Variants in ADAMTS9 observed in about 807,000 individuals in gnomAD.
ADAMTS9 encodes the protein ADAM metallopeptidase with thrombospondin type 1 motif 9.
Under a neutral mutation model 257.1 loss-of-function variants are expected in ADAMTS9, and 107 were observed. That is an observed-to-expected ratio of 0.42 (90% CI 0.36 to 0.49). The LOEUF is 0.49. Ranked by LOEUF, ADAMTS9 falls within the 20% of genes least tolerant of loss-of-function variation. The pLI is 0.03. For missense variants in ADAMTS9, 2,353 were observed against 2,469.1 expected, an observed-to-expected ratio of 0.95 and a Z score of 1.00; for synonymous variants, 982 against 880.9, an observed-to-expected ratio of 1.11 and a Z score of -2.03.
At chr3:64,647,066 A>C (rs1700813210) in intron 11 of ADAMTS9, among the ~76,000 whole-genome samples, 1 of 152,242 alleles carries the variant, frequency 6.6e-6, no homozygotes, top group Non-Finnish European at 1.5e-5. Context: ...AATTATTAAA[A>C]GTAAGTAAAG....
At chr3:64,676,679 T>C (rs952242670) in intron 3 of ADAMTS9, among the ~76,000 whole-genome samples, 2 of 152,196 alleles carry the variant, frequency 1.3e-5, no homozygotes, top group Admixed American at 1.3e-4. Flanking sequence ...TCTATCTTCC[T>C]CCCAAAGGGC....
At chr3:64,575,490 G>C (rs923325200) in intron 28 of ADAMTS9, among the ~76,000 whole-genome samples, 3 of 152,166 alleles carry the variant, frequency 2.0e-5, no homozygotes, top group Non-Finnish European at 2.9e-5. Context: ...CTAAGCAAGA[G>C]TGTAACAACC....
chr3:64,602,565 G>A (rs1020782071), intron 25 of ADAMTS9, among the ~76,000 whole-genome samples: 1 of 152,058 alleles, frequency 6.6e-6, no homozygotes, highest in Non-Finnish European at 1.5e-5. Flanking sequence ...TCTACCATTC[G>A]CCACTCACTG....
intron 28 of ADAMTS9, among the ~76,000 whole-genome samples, chr3:64,570,181 C>T (rs1300804030): frequency 6.6e-6 from 1 of 152,024 alleles, no homozygotes; most frequent in Admixed American, 6.6e-5. Context: ...TACAATGTTC[C>T]AGAAATTATG....
chr3:64,620,096 G>A (rs1168669896), intron 19 of ADAMTS9, among the ~76,000 whole-genome samples: 1 of 151,912 alleles, frequency 6.6e-6, no homozygotes, highest in Non-Finnish European at 1.5e-5. Context: ...GAAAGTCAGT[G>A]ACACTGGGTA....
intron 29 of ADAMTS9, among the ~76,000 whole-genome samples, chr3:64,566,731 A>C (rs1274080490): frequency 6.6e-6 from 1 of 152,186 alleles, no homozygotes; most frequent in Non-Finnish European, 1.5e-5. Flanking sequence ...GGTAAATAAA[A>C]CAGATAAGTA....
rs184693067 is a variant in ADAMTS9 at position 64,539,750 on chromosome 3, T to C, written c.5522-456A>G. On this transcript the variant is annotated intron_variant, in intron 36 of 39. Transcript: ENST00000498707. ...GAGCGATTCCCTGAGGTTTCCTCTG[T>C]CCTCCTGTTGCCTAGGCAGTATTAT... Among the ~76,000 whole-genome samples the C allele has an allele frequency of 3.7e-3, 557 of 152,348 alleles. 3 individuals carry two copies. The highest frequency in any genetic ancestry group is 0.013 in the African/African-American group (533 of 41,576).
intron 26 of ADAMTS9, among the ~76,000 whole-genome samples, chr3:64,598,542 A>G (rs2106799999): frequency 6.6e-6 from 1 of 152,092 alleles, no homozygotes; most frequent in Non-Finnish European, 1.5e-5. Flanking sequence ...CTGGTCTCGA[A>G]CTCTTGGCCT....
chr3:64,687,438 T>C lies in ADAMTS9; in HGVS notation c.115+105A>G, dbSNP rs1314222865. On this transcript the variant is annotated intron_variant, in intron 1 of 39. Transcript: ENST00000498707. The surrounding 1 kb of genome is among the most constrained non-coding windows in gnomAD (Gnocchi z 4.4). ...CTGCAAAGCGGGAGATAATTCTTTC[T>C]AGGAAAAGGAGAGAAGCCTCCGCTG... The C allele has an allele frequency of 1.3e-5, 12 of 929,000 alleles. No individual in the cohort carries two copies. Among genetic ancestry groups the C allele is most frequent in the Non-Finnish European group, 1.4e-5 (9 of 641,352 alleles). 57.5% of individuals were successfully genotyped at this position (929,000 alleles called of 1,614,324 possible). A position where few individuals can be genotyped will look rare whatever the true frequency, so the allele number is the denominator to read the frequency against.
At chr3:64,677,244 G>T (rs532447759) in intron 3 of ADAMTS9, among the ~76,000 whole-genome samples, 1 of 152,218 alleles carries the variant, frequency 6.6e-6, no homozygotes, top group South Asian at 2.1e-4. Flanking sequence ...AGGGAGAGAA[G>T]ACACCCCACT....
In ADAMTS9 at chr3:64,655,565, AATC is replaced by A; in HGVS notation, c.1169+8_1169+10del. The A allele has an allele frequency of 1.3e-6, 2 of 1,598,876 alleles. No individual in the cohort carries two copies. Among genetic ancestry groups the A allele is most frequent in the Non-Finnish European group, 1.7e-6 (2 of 1,166,506 alleles). On this transcript the variant is annotated splice_region_variant and intron_variant, in intron 6 of 39. Coordinates refer to ENST00000498707, the MANE Select transcript of ADAMTS9 (RefSeq NM_182920.2). The stretch of plus-strand genomic sequence containing the variant: ...AGACTGAAAGATCTGAGGAATAAGA[AATC>A]CATATACCTTGTTAAGAGAACAGCA...
intron 3 of ADAMTS9, among the ~76,000 whole-genome samples, chr3:64,659,728 G>A (rs1281311406): frequency 2.0e-5 from 3 of 152,006 alleles, no homozygotes; most frequent in South Asian, 2.1e-4. Context: ...ATTAAACTCC[G>A]AGAGTCTGGG....
chr3:64,534,436 T>C (rs377219078), intron 37 of ADAMTS9, among the ~76,000 whole-genome samples: 24 of 152,330 alleles, frequency 1.6e-4, no homozygotes, highest in East Asian at 1.4e-3. Context: ...TCGTGTGATC[T>C]CTTCAATGTA....
intron 3 of ADAMTS9, among the ~76,000 whole-genome samples, chr3:64,671,003 T>C (rs1701472825): frequency 1.3e-5 from 2 of 152,290 alleles, no homozygotes; most frequent in South Asian, 2.1e-4. Flanking sequence ...GAGTGAAACA[T>C]ACATTAACCA....
At chr3:64,683,992 CA>C (rs1314359259) in intron 2 of ADAMTS9, among the ~76,000 whole-genome samples, 1 of 151,968 alleles carries the variant, frequency 6.6e-6, no homozygotes, top group Non-Finnish European at 1.5e-5. Context: ...TATACACCTC[CA>C]AAGAAGGGTA....
chr3:64,547,026 A>C, intron 31 of ADAMTS9, 74 bp from the exon 32 acceptor site: 1 of 1,330,182 alleles, frequency 7.5e-7, no homozygotes, highest in South Asian at 1.4e-5. Context: ...CCTGACCTCC[A>C]CACCAAGCGC....
intron 11 of ADAMTS9, among the ~76,000 whole-genome samples, chr3:64,644,946 T>C (rs1019514720): frequency 2.0e-4 from 30 of 152,190 alleles, no homozygotes; most frequent in Non-Finnish European, 2.4e-4. Flanking sequence ...AAAACTGATA[T>C]GGAAATTAAA....
intron 2 of ADAMTS9, among the ~76,000 whole-genome samples, chr3:64,682,012 CAT>C (rs1203979100): frequency 6.6e-6 from 1 of 152,180 alleles, no homozygotes; most frequent in East Asian, 1.9e-4. Flanking sequence ...ATTCAAGAAG[CAT>C]ATGTTGGCCA....
intron 16 of ADAMTS9, among the ~76,000 whole-genome samples, chr3:64,630,086 C>G (rs947116207): frequency 2.7e-4 from 41 of 151,864 alleles, no homozygotes; most frequent in Non-Finnish European, 7.4e-5. Flanking sequence ...AGATTGACTG[C>G]CCAGCAAGAC....
Sources: gnomAD v4.1 joint callset for allele counts (sites outside exome capture counted in the v4.1 genomes callset) on GRCh38, gnomAD v4.1.1 for gene constraint, Gnocchi (gnomAD v3.1) non-coding constraint, MANE v1.5 for transcripts, NCBI Gene and HGNC (gene_info 2026-07-23, HGNC 2026-07-21) for gene names.